The following CSMD1 variants were observed in gnomAD, a reference collection of about 807,000 sequenced individuals.
CSMD1 encodes the protein CUB and sushi domain-containing protein 1.
Under a neutral mutation model 417.5 loss-of-function variants are expected in CSMD1, and 213 were observed. The ratio of observed to expected loss-of-function variants is 0.51; its 90% CI spans 0.46 to 0.57. The LOEUF (loss-of-function observed/expected upper bound fraction) is 0.57. Among genes scored for constraint, CSMD1 ranks in the 20% least tolerant of loss-of-function variants. The probability of loss-of-function intolerance (pLI) is 0.00; values close to 1 mark genes in which losing one functional copy is unlikely to be tolerated. For missense variants in CSMD1, 6,923 were observed against 4,529.7 expected, an observed-to-expected ratio of 1.53 and a Z score of -15.17; for synonymous variants, 2,862 against 1,736.8, an observed-to-expected ratio of 1.65 and a Z score of -16.11.
intron 31 of CSMD1, among the ~76,000 whole-genome samples, chr8:3,204,294 A>T (rs1486072725): frequency 2.4e-4 from 36 of 152,214 alleles, no homozygotes; most frequent in Non-Finnish European, 5.9e-5. Flanking sequence ...CTAAAATCAT[A>T]GAATATGGCT....
Position 4,308,203 on chromosome 8 carries a change from T to G in CSMD1, c.415+111750A>C, listed in dbSNP as rs1034515343. Among the ~76,000 whole-genome samples, 5 of 152,160 alleles carry G rather than the reference T, an allele frequency of 3.3e-5. No individual in the cohort carries two copies. The South Asian group carries it at 1.0e-3, about 32-fold the overall frequency. Reference sequence around the variant, plus strand: ...CTGTGAGTTAGGAGGTGAAGTCACTTGAGACTGTGTGGGATGTGTGTGGTA... The same window carrying G: ...CTGTGAGTTAGGAGGTGAAGTCACTGGAGACTGTGTGGGATGTGTGTGGTA... On this transcript the variant is annotated intron_variant, in intron 3 of 69. Coordinates refer to ENST00000635120, the MANE Select transcript of CSMD1 (RefSeq NM_033225.6).
rs1198330046 is a variant in CSMD1, at chr8:3,151,390, C to T, written c.6031+7G>A. ...AACTTTTAGGAATTGGTAACATTTT[C>T]ACTTACCATAGCCGATGGGTAATGA... On this transcript the variant is annotated splice_region_variant and intron_variant, in intron 40 of 69. Coordinates refer to ENST00000635120, the MANE Select transcript of CSMD1 (RefSeq NM_033225.6). 3.8e-6 allele frequency: 6 copies of T among 1,572,672 alleles called. No homozygotes were observed. The highest frequency in any genetic ancestry group is 5.2e-6 in the Non-Finnish European group (6 of 1,144,478).
chr8:3,766,660 A>G (rs1196744518), intron 5 of CSMD1, among the ~76,000 whole-genome samples: 4 of 152,134 alleles, frequency 2.6e-5, no homozygotes, highest in Admixed American at 2.6e-4. Flanking sequence ...GACTGATAAT[A>G]AAGAAAATAA....
intron 1 of CSMD1, among the ~76,000 whole-genome samples, chr8:4,732,434 A>C (rs796667667): frequency 6.6e-6 from 1 of 151,458 alleles, no homozygotes; most frequent in Non-Finnish European, 1.5e-5. Flanking sequence ...CCAAGCATTT[A>C]TTCTCACTCA....
chr8:4,548,466 G>T (rs1276927450), intron 2 of CSMD1, among the ~76,000 whole-genome samples: 1 of 152,084 alleles, frequency 6.6e-6, no homozygotes, highest in Non-Finnish European at 1.5e-5. Context: ...CAATGTAATT[G>T]CATTCATATA....
chr8:4,181,343 G>T (rs1406172583), intron 3 of CSMD1, among the ~76,000 whole-genome samples: 1 of 151,126 alleles, frequency 6.6e-6, no homozygotes, highest in Non-Finnish European at 1.5e-5. Flanking sequence ...AAATGCAATG[G>T]TACGGTTTCT....
chr8:3,869,806 G>C (rs528382352), intron 5 of CSMD1, among the ~76,000 whole-genome samples: 5 of 152,122 alleles, frequency 3.3e-5, no homozygotes, highest in Non-Finnish European at 7.3e-5. Flanking sequence ...GAGCTTGCCA[G>C]ATTTCCGTAT....
chr8:3,712,242 C>G (rs150330142), intron 6 of CSMD1, among the ~76,000 whole-genome samples: 2 of 152,158 alleles, frequency 1.3e-5, no homozygotes, highest in South Asian at 2.1e-4. Context: ...CCAGGGTCCA[C>G]CCGGTGTCTG....
chr8:4,376,777 C>A (rs1016335174), intron 3 of CSMD1, among the ~76,000 whole-genome samples: 21 of 152,204 alleles, frequency 1.4e-4, no homozygotes, highest in Admixed American at 9.8e-4. Context: ...TGTTTGATAA[C>A]CAACTCTATT....
intron 3 of CSMD1, among the ~76,000 whole-genome samples, chr8:4,206,805 C>G (rs1211572085): frequency 3.9e-5 from 6 of 152,182 alleles, no homozygotes; most frequent in Non-Finnish European, 7.4e-5. Context: ...AAAGATTGTT[C>G]TAATATTTAT....
intron 1 of CSMD1, among the ~76,000 whole-genome samples, chr8:4,928,149 G>T (rs1009206963): frequency 6.6e-6 from 1 of 152,038 alleles, no homozygotes; most frequent in East Asian, 1.9e-4. Flanking sequence ...CACGTGGGAC[G>T]CACACATAGA....
chr8:4,700,591 G>A (rs995439392), intron 1 of CSMD1, among the ~76,000 whole-genome samples: 1 of 152,050 alleles, frequency 6.6e-6, no homozygotes, highest in Non-Finnish European at 1.5e-5. Context: ...CTCAATTAGT[G>A]AAATAATTGG....
chr8:3,062,250 T>C (rs1812635638), intron 49 of CSMD1, among the ~76,000 whole-genome samples: 1 of 152,100 alleles, frequency 6.6e-6, no homozygotes, highest in Non-Finnish European at 1.5e-5. Flanking sequence ...GTAGCCATCA[T>C]CCAATATACC....
At chr8:4,610,466 G>C (rs775495180) in intron 2 of CSMD1, among the ~76,000 whole-genome samples, 1 of 152,120 alleles carries the variant, frequency 6.6e-6, no homozygotes, top group East Asian at 1.9e-4. Context: ...TTCAGGGACA[G>C]GCTCCAGAAC....
Position 3,779,149 on chromosome 8 carries a change from TTGTGTGTGTGTG to T in CSMD1, c.819-25119_819-25108del, listed in dbSNP as rs56294437. On this transcript the variant is annotated intron_variant, in intron 5 of 69. Coordinates refer to ENST00000635120, the MANE Select transcript of CSMD1 (RefSeq NM_033225.6). ...AAATATTTTCACTATGCGTGCATAC[TTGTGTGTGTGTG>T]TGTGTGTGTGTGTGTGTGTGTGTAT... Among the ~76,000 whole-genome samples the T allele has an allele frequency of 3.7e-3, 548 of 147,538 alleles. 7 individuals are homozygous for T. Among genetic ancestry groups the T allele is most frequent in the African/African-American group, 0.012 (492 of 40,038 alleles).
At chr8:4,411,939 G>C (rs893537510) in intron 3 of CSMD1, among the ~76,000 whole-genome samples, 2 of 151,712 alleles carry the variant, frequency 1.3e-5, no homozygotes, top group East Asian at 3.9e-4. Context: ...ATTTTTAATA[G>C]TACTAGAACT....
chr8:3,378,430 G>T (rs1254001044), intron 18 of CSMD1, among the ~76,000 whole-genome samples: 1 of 152,006 alleles, frequency 6.6e-6, no homozygotes, highest in East Asian at 1.9e-4. Flanking sequence ...CCAAAACCTG[G>T]CAAAGGCACA....
chr8:3,950,955 C>T (rs1315906000), intron 5 of CSMD1, among the ~76,000 whole-genome samples: 1 of 152,158 alleles, frequency 6.6e-6, no homozygotes, highest in Non-Finnish European at 1.5e-5. Context: ...GAAGAAAAAA[C>T]GATTCTTTTC....
At chr8:3,685,855 T>C (rs1799918637) in intron 7 of CSMD1, among the ~76,000 whole-genome samples, 1 of 152,158 alleles carries the variant, frequency 6.6e-6, no homozygotes, top group Non-Finnish European at 1.5e-5. Context: ...AATCACATCA[T>C]GGAGAATGGG....
Sources: gnomAD v4.1 joint callset for allele counts (sites outside exome capture counted in the v4.1 genomes callset) on GRCh38, gnomAD v4.1.1 for gene constraint, MANE v1.5 for transcripts, NCBI Gene and HGNC (gene_info 2026-07-23, HGNC 2026-07-21) for gene names.